MACROD2: variants seen among roughly 807,000 people sequenced by gnomAD.
MACROD2 encodes the protein mono-ADP ribosylhydrolase 2.
Under a neutral mutation model 70.4 loss-of-function variants are expected in MACROD2, and 36 were observed. The observed-to-expected ratio is 0.51, with a 90% CI of 0.39 to 0.68. MACROD2 has a LOEUF of 0.68. Among genes scored for constraint, MACROD2 ranks in the 30% least tolerant of loss-of-function variants. MACROD2 has a pLI of 0.00. For synonymous variants in MACROD2, 172 were observed against 178.8 expected, an observed-to-expected ratio of 0.96 and a Z score of 0.30; for missense variants, 496 against 538.4, an observed-to-expected ratio of 0.92 and a Z score of 0.78.
At chr20:15,551,933 A>T (rs1357264003) in intron 8 of MACROD2, among the ~76,000 whole-genome samples, 2 of 150,112 alleles carry the variant, frequency 1.3e-5, no homozygotes, top group African/African-American at 4.9e-5. Context: ...TTTTTTATTT[A>T]TGATAATTAT....
intron 5 of MACROD2, among the ~76,000 whole-genome samples, chr20:15,133,040 A>G (rs1420507624): frequency 6.6e-6 from 1 of 152,118 alleles, no homozygotes; most frequent in East Asian, 1.9e-4. Flanking sequence ...TCTACCTTAA[A>G]ATAAATTCCA....
At chr20:14,876,567 C>A (rs555304600) in intron 5 of MACROD2, among the ~76,000 whole-genome samples, 1 of 152,124 alleles carries the variant, frequency 6.6e-6, no homozygotes, top group Non-Finnish European at 1.5e-5. Flanking sequence ...ATGGTATTAC[C>A]AAGGTTTTCT....
At chr20:14,504,556 G>A (rs749175829) in intron 4 of MACROD2, among the ~76,000 whole-genome samples, 2 of 152,000 alleles carry the variant, frequency 1.3e-5, no homozygotes, top group Non-Finnish European at 2.9e-5. Flanking sequence ...TTTTTTCTGG[G>A]CAACAGATTT....
intron 11 of MACROD2, among the ~76,000 whole-genome samples, chr20:15,936,870 T>C (rs1350996665): frequency 6.6e-6 from 1 of 152,074 alleles, no homozygotes; most frequent in African/African-American, 2.4e-5. Context: ...ATGTAGTTCA[T>C]TGTTGCTGTG....
intron 4 of MACROD2, among the ~76,000 whole-genome samples, chr20:14,646,808 G>A (rs1985417011): frequency 6.6e-6 from 1 of 152,038 alleles, no homozygotes; most frequent in African/African-American, 2.4e-5. Context: ...TTACCTTCCT[G>A]TGTTTGAAGG....
chr20:15,224,682 C>T (rs893693818), intron 5 of MACROD2, among the ~76,000 whole-genome samples: 8 of 152,152 alleles, frequency 5.3e-5, no homozygotes, highest in Admixed American at 1.3e-4. Context: ...TGGTGGCTCA[C>T]GCCTTTAGTC....
intron 3 of MACROD2, among the ~76,000 whole-genome samples, chr20:14,134,156 C>T (rs1287304668): frequency 1.3e-5 from 2 of 152,176 alleles, no homozygotes; most frequent in Non-Finnish European, 2.9e-5. Context: ...AGGTCTGCTT[C>T]CCAGAGAACT....
chr20:16,034,482 G>A (rs977757237), intron 15 of MACROD2, among the ~76,000 whole-genome samples: 9 of 151,988 alleles, frequency 5.9e-5, no homozygotes, highest in South Asian at 2.1e-4. Context: ...ACATAAATTC[G>A]TGTCTGTGCA....
At chr20:14,451,413 C>T (rs1382375661) in intron 3 of MACROD2, among the ~76,000 whole-genome samples, 1 of 152,142 alleles carries the variant, frequency 6.6e-6, no homozygotes, top group Non-Finnish European at 1.5e-5. Flanking sequence ...CATGCCACTG[C>T]TCTCCAGCCT....
Position 14,273,139 on chromosome 20 carries a change from C to T in MACROD2, c.271+187411C>T, listed in dbSNP as rs184158357. Among the ~76,000 whole-genome samples, 414 of 152,232 alleles carry T rather than the reference C, an allele frequency of 2.7e-3. 1 individual carries two copies. Among genetic ancestry groups the T allele is most frequent in the African/African-American group, 9.5e-3 (394 of 41,540 alleles). On this transcript the variant is annotated intron_variant, in intron 3 of 17. Transcript: ENST00000684519. The stretch of plus-strand genomic sequence containing the variant: ...GAATTGAACTCAGCTCTGCACCAAG[C>T]GGATCTAATAGACATCTACAGAACT...
intron 8 of MACROD2, among the ~76,000 whole-genome samples, chr20:15,740,467 C>T (rs1314739748): frequency 6.6e-6 from 1 of 152,134 alleles, no homozygotes; most frequent in African/African-American, 2.4e-5. Context: ...GACTCATAAA[C>T]AAATGGAAGC....
intron 8 of MACROD2, among the ~76,000 whole-genome samples, chr20:15,574,191 C>T (rs1227533490): frequency 2.0e-5 from 3 of 152,050 alleles, no homozygotes; most frequent in Non-Finnish European, 4.4e-5. Flanking sequence ...TGGGCCAATA[C>T]TGCATACTTG....
At chr20:14,174,712 G>T (rs921469595) in intron 3 of MACROD2, among the ~76,000 whole-genome samples, 7 of 152,194 alleles carry the variant, frequency 4.6e-5, no homozygotes, top group Non-Finnish European at 8.8e-5. Flanking sequence ...TTTGTGTGCA[G>T]TTGAAATTGT....
At chr20:14,508,158 T>G (rs901222098) in intron 4 of MACROD2, among the ~76,000 whole-genome samples, 1 of 152,152 alleles carries the variant, frequency 6.6e-6, no homozygotes, top group Admixed American at 6.5e-5. Context: ...TCACCTCTGG[T>G]TCACCGTTAG....
intron 3 of MACROD2, among the ~76,000 whole-genome samples, chr20:14,182,298 A>G (rs1398268415): frequency 6.6e-6 from 1 of 152,094 alleles, no homozygotes; most frequent in Non-Finnish European, 1.5e-5. Context: ...TGTCTATTCA[A>G]ATTCTTTACC....
At chr20:14,534,838 A>G (rs1245481487) in intron 4 of MACROD2, among the ~76,000 whole-genome samples, 5 of 151,632 alleles carry the variant, frequency 3.3e-5, no homozygotes, top group African/African-American at 9.7e-5. Flanking sequence ...CTTCATTTTC[A>G]AGGGGCTTAA....
At chr20:15,147,969 C>CA (rs1168674645) in intron 5 of MACROD2, among the ~76,000 whole-genome samples, 4 of 152,068 alleles carry the variant, frequency 2.6e-5, no homozygotes, top group African/African-American at 4.8e-5. Flanking sequence ...TCAGTTAAGG[C>CA]AGGAACCGGC....
chr20:14,293,141 T>G (rs1310008806), intron 3 of MACROD2, among the ~76,000 whole-genome samples: 2 of 151,676 alleles, frequency 1.3e-5, no homozygotes, highest in Non-Finnish European at 2.9e-5. Flanking sequence ...TTGTACAAAC[T>G]TAAACATAAA....
intron 7 of MACROD2, among the ~76,000 whole-genome samples, chr20:15,468,083 C>A (rs185303457): frequency 2.0e-5 from 3 of 152,096 alleles, no homozygotes; most frequent in Non-Finnish European, 4.4e-5. Flanking sequence ...ATGTTTTCCT[C>A]CCACTAGACT....
Sources: allele counts gnomAD v4.1 joint callset (sites outside exome capture counted in the v4.1 genomes callset), GRCh38; gene constraint gnomAD v4.1.1; transcripts MANE v1.5; gene names NCBI Gene and HGNC (gene_info 2026-07-23, HGNC 2026-07-21).